The following SLC67A2 variants were observed in gnomAD, a reference collection of about 807,000 sequenced individuals.
SLC67A2 encodes the protein solute carrier family 67 member 2.
the SLC67A2 span, chr2:102,726,734 A>G: frequency 9.7e-6 from 14 of 1,438,438 alleles, no homozygotes; most frequent in Non-Finnish European, 1.3e-5. Context: ...TAAGCAAGTA[A>G]GGATGTTGAG....
the SLC67A2 span, among the ~76,000 whole-genome samples, chr2:102,725,838 A>G: frequency 1.3e-5 from 2 of 152,134 alleles, no homozygotes; most frequent in Non-Finnish European, 2.9e-5. Flanking sequence ...CTGATGCTCT[A>G]TTTATTTGGG....
chr2:102,723,787 G>A, the SLC67A2 span: 2 of 1,614,126 alleles, frequency 1.2e-6, no homozygotes, highest in South Asian at 2.2e-5. Flanking sequence ...CCGACCACGG[G>A]GCCCAAGATG....
chr2:102,734,278 T>G, the SLC67A2 span, among the ~76,000 whole-genome samples: 1 of 152,294 alleles, frequency 6.6e-6, no homozygotes, highest in East Asian at 1.9e-4. Flanking sequence ...ATAAAGCTGA[T>G]GGGATGGAAA....
the SLC67A2 span, among the ~76,000 whole-genome samples, chr2:102,725,494 T>G: frequency 1.3e-5 from 2 of 152,224 alleles, no homozygotes; most frequent in Non-Finnish European, 2.9e-5. Context: ...TCTTTAGAAT[T>G]ATGAACAGTA....
chr2:102,732,206 T>A, the SLC67A2 span: 6 of 933,082 alleles, frequency 6.4e-6, no homozygotes, highest in Non-Finnish European at 1.1e-5. Flanking sequence ...TTGTTTTATC[T>A]CATTTCCCAC....
At chr2:102,718,458 A>T in the SLC67A2 span, 1 of 1,614,118 alleles carries the variant, frequency 6.2e-7, no homozygotes, top group Non-Finnish European at 8.5e-7. Flanking sequence ...TCACCACTAG[A>T]GTGTCGCTTG....
chr2:102,729,818 T>C, the SLC67A2 span, among the ~76,000 whole-genome samples: 2 of 152,210 alleles, frequency 1.3e-5, no homozygotes, highest in Non-Finnish European at 2.9e-5. Flanking sequence ...AAAACTATTA[T>C]TGTAATGGAA....
At chr2:102,717,390 C>T in the SLC67A2 span, 1 of 152,250 alleles carries the variant, frequency 6.6e-6, no homozygotes, top group Non-Finnish European at 1.5e-5. Context: ...GGCATGACTC[C>T]TGACCCTTAT....
chr2:102,729,065 TAA>T, the SLC67A2 span, among the ~76,000 whole-genome samples: 1 of 152,194 alleles, frequency 6.6e-6, no homozygotes, highest in East Asian at 1.9e-4. Context: ...TTCTCAAAAT[TAA>T]AAGTTTTTTG....
chr2:102,736,417 C>G, the SLC67A2 span: 1 of 1,216,314 alleles, frequency 8.2e-7, no homozygotes. Flanking sequence ...GGAAGACGTT[C>G]CGCGAACGGG....
At chr2:102,736,111 C>A in the SLC67A2 span, among the ~76,000 whole-genome samples, 14 of 152,108 alleles carry the variant, frequency 9.2e-5, no homozygotes, top group Non-Finnish European at 1.8e-4. Flanking sequence ...CGCAGTTTGT[C>A]GAAAGGCAGA....
the SLC67A2 span, chr2:102,731,074 A>G: frequency 4.3e-6 from 7 of 1,613,414 alleles, no homozygotes; most frequent in Non-Finnish European, 5.9e-6. Flanking sequence ...GGAGCCTGTA[A>G]AAAACAAATC....
At chr2:102,732,510 T>C in the SLC67A2 span, 2 of 928,408 alleles carry the variant, frequency 2.2e-6, no homozygotes, top group Non-Finnish European at 3.2e-6. Flanking sequence ...TATCTAAAAT[T>C]TTAAACACGT....
the SLC67A2 span, chr2:102,719,161 T>C: frequency 6.2e-7 from 1 of 1,614,008 alleles, no homozygotes; most frequent in Admixed American, 1.7e-5. Flanking sequence ...GGCCCTTCTC[T>C]GTACTGCCCG....
At chr2:102,716,491 A>G in the SLC67A2 span, 134 of 152,344 alleles carry the variant, frequency 8.8e-4, 3 homozygotes, top group East Asian at 0.025. Flanking sequence ...GAAAGCACTT[A>G]ACATTTACAT....
the SLC67A2 span, among the ~76,000 whole-genome samples, chr2:102,721,443 CA>C: frequency 4.6e-5 from 7 of 152,034 alleles, no homozygotes; most frequent in Non-Finnish European, 1.5e-5. Flanking sequence ...CATCCTAACC[CA>C]ATAAGGAAAT....
the SLC67A2 span, chr2:102,718,978 A>T: frequency 6.2e-7 from 1 of 1,614,224 alleles, no homozygotes; most frequent in South Asian, 1.1e-5. Context: ...AGCGCACCAG[A>T]AATATGTCCC....
At chr2:102,723,917 G>A in the SLC67A2 span, 15 of 1,610,994 alleles carry the variant, frequency 9.3e-6, no homozygotes, top group Non-Finnish European at 1.0e-5. Context: ...TACCTGCAAG[G>A]GGATGAGAAA....
chr2:102,732,604 G>A, the SLC67A2 span, among the ~76,000 whole-genome samples: 78 of 152,232 alleles, frequency 5.1e-4, no homozygotes, highest in African/African-American at 1.7e-3. Flanking sequence ...CCTGGGATCC[G>A]TTTTAACTTT....
Sources: allele counts gnomAD v4.1 joint callset (sites outside exome capture counted in the v4.1 genomes callset), GRCh38; gene constraint gnomAD v4.1.1; transcripts MANE v1.5; gene names NCBI Gene and HGNC (gene_info 2026-07-23, HGNC 2026-07-21).